Variants in PTPRN2 observed in about 807,000 individuals in gnomAD.
The protein encoded by PTPRN2 is protein tyrosine phosphatase receptor type N2.
In PTPRN2, 74 loss-of-function variants were observed where a neutral mutation model predicts 118.8. The observed-to-expected ratio is 0.62, with a 90% CI of 0.52 to 0.76. The LOEUF (loss-of-function observed/expected upper bound fraction) is 0.76. Ranked by LOEUF, PTPRN2 falls within the 30% of genes least tolerant of loss-of-function variation. The pLI, the probability that PTPRN2 is intolerant of heterozygous loss-of-function variation, is 0.00. For synonymous variants in PTPRN2, 641 were observed against 608.0 expected (o/e 1.05, Z -0.80); for missense variants, 1,481 against 1,394.4 (o/e 1.06, Z -0.99).
At chr7:157,872,522 C>T (rs1445672760) in intron 12 of PTPRN2, among the ~76,000 whole-genome samples, 2 of 152,190 alleles carry the variant, frequency 1.3e-5, no homozygotes, top group African/African-American at 4.8e-5. Flanking sequence ...TATCCAGTGC[C>T]TCCGCACACA....
At chr7:157,924,253 C>T (rs1798845885) in intron 11 of PTPRN2, among the ~76,000 whole-genome samples, 1 of 152,218 alleles carries the variant, frequency 6.6e-6, no homozygotes, top group Non-Finnish European at 1.5e-5. Context: ...ATTGAAGCCA[C>T]ACTCGTTCTC....
chr7:157,636,182 A>G (rs934208030), intron 14 of PTPRN2, among the ~76,000 whole-genome samples: 6 of 152,226 alleles, frequency 3.9e-5, no homozygotes, highest in African/African-American at 1.4e-4. Context: ...TGAGGCTTCC[A>G]TCTCTGGCTT....
chr7:157,917,733 T>G (rs1453805322), intron 11 of PTPRN2, among the ~76,000 whole-genome samples: 1 of 152,170 alleles, frequency 6.6e-6, no homozygotes, highest in African/African-American at 2.4e-5. Context: ...TTTCAACGCG[T>G]GGTCCTGGAC....
intron 14 of PTPRN2, among the ~76,000 whole-genome samples, chr7:157,636,556 C>A (rs1804332398): frequency 6.6e-6 from 1 of 152,128 alleles, no homozygotes; most frequent in African/African-American, 2.4e-5. Context: ...AAATGTCTAC[C>A]CATATATTTC....
chr7:158,372,781 A>G (rs1246998749), intron 2 of PTPRN2, among the ~76,000 whole-genome samples: 1 of 152,218 alleles, frequency 6.6e-6, no homozygotes, highest in Non-Finnish European at 1.5e-5. Flanking sequence ...TACAGCTTGC[A>G]TTATCTTTAA....
chr7:157,666,497 G>GTGTT (rs1471091937), intron 13 of PTPRN2, among the ~76,000 whole-genome samples: 1 of 125,498 alleles, frequency 8.0e-6, no homozygotes, highest in Non-Finnish European at 1.8e-5. Flanking sequence ...AGCCATTAGT[G>GTGTT]TGTTAGAAAA....
chr7:158,566,151 A>G (rs1827653817), intron 1 of PTPRN2, among the ~76,000 whole-genome samples: 1 of 152,110 alleles, frequency 6.6e-6, no homozygotes, highest in Non-Finnish European at 1.5e-5. Flanking sequence ...TTAGGAGTTC[A>G]AGACCAGCCT....
At chr7:157,736,839 A>G (rs1800326807) in intron 12 of PTPRN2, among the ~76,000 whole-genome samples, 1 of 152,302 alleles carries the variant, frequency 6.6e-6, no homozygotes, top group African/African-American at 2.4e-5. Context: ...GAGGAGGTAC[A>G]ATCCCACCAG....
intron 21 of PTPRN2, among the ~76,000 whole-genome samples, chr7:157,555,990 C>A (rs186388064): frequency 6.6e-6 from 1 of 152,302 alleles, no homozygotes; most frequent in Non-Finnish European, 1.5e-5. Context: ...GGCACAGACA[C>A]CCCATCTTTC....
rs1263112862 is a variant in PTPRN2, at chr7:157,603,784, G to A, written c.2418+218C>T. On this transcript the variant is annotated intron_variant, in intron 16 of 22. Coordinates refer to ENST00000389418, the MANE Select transcript of PTPRN2 (RefSeq NM_002847.5). The surrounding 1 kb of genome is among the most constrained non-coding windows in gnomAD (Gnocchi z 5.4). ...TGTTCTACAAGTCACGGAACCCACC[G>A]CCCAGCGTGAGCCGGGACCCACACG... 6.6e-6 allele frequency among the ~76,000 whole-genome samples: 1 copy of A among 152,096 alleles called. No individual in the cohort carries two copies. The highest frequency in any genetic ancestry group is 1.5e-5 in the Non-Finnish European group (1 of 68,002).
At chr7:158,155,673 CCAT>C (rs1369355932) in intron 6 of PTPRN2, among the ~76,000 whole-genome samples, 9 of 126,824 alleles carry the variant, frequency 7.1e-5, no homozygotes, top group South Asian at 2.8e-4. Context: ...ATCACCAGTG[CCAT>C]CATCACCATC....
chr7:158,387,738 T>C lies in PTPRN2; in HGVS notation c.164-70806A>G, dbSNP rs527269321. 1.7e-3 allele frequency among the ~76,000 whole-genome samples: 254 copies of C among 152,268 alleles called. 3 individuals are homozygous for C. The highest frequency in any genetic ancestry group is 5.7e-3 in the African/African-American group (237 of 41,546). ...GGAGGCTGCAGAGCCAGGGCGAAGT[T>C]TCCTGAAGGAGATGGAATCCTGCTG... is the stretch of plus-strand genomic sequence containing the variant. On this transcript the variant is annotated intron_variant, in intron 2 of 22. Transcript: ENST00000389418.
chr7:158,397,068 A>C (rs1812571865), intron 2 of PTPRN2, among the ~76,000 whole-genome samples: 1 of 152,200 alleles, frequency 6.6e-6, no homozygotes, highest in Non-Finnish European at 1.5e-5. Flanking sequence ...TGCTCTTTTA[A>C]TTTGCTCTTT....
In PTPRN2 at chr7:157,622,275, G is replaced by A. The variant is rs1248056130; in HGVS notation, c.2197-766C>T. On this transcript the variant is annotated intron_variant, in intron 14 of 22. Transcript: ENST00000389418. This position sits in a 1 kb window ranked among gnomAD's most constrained non-coding sequence, Gnocchi z 5.3. ...CTGCTGTCACTCTGCTTGTGGATTT[G>A]CAAGGTACTGTGTGTCATGTGTAGA... 2.0e-5 allele frequency among the ~76,000 whole-genome samples: 3 copies of A among 152,044 alleles called. No individual in the cohort carries two copies. Among genetic ancestry groups the A allele is most frequent in the Non-Finnish European group, 4.4e-5 (3 of 68,034 alleles).
chr7:158,128,197 G>A lies in PTPRN2; in HGVS notation c.1556+5480C>T, dbSNP rs545180172. 9.2e-5 allele frequency among the ~76,000 whole-genome samples: 14 copies of A among 152,308 alleles called. No homozygotes were observed. In the South Asian group the frequency reaches 2.9e-3, roughly 32 times the overall value. The stretch of plus-strand genomic sequence containing the variant: ...GTTAAGGTTTAAGCTGAAATCTGGT[G>A]AAAACTTGCCCAAGAGAATCACAAA... On this transcript the variant is annotated intron_variant, in intron 9 of 22. Transcript: ENST00000389418.
intron 6 of PTPRN2, among the ~76,000 whole-genome samples, chr7:158,146,282 T>A (rs141460968): frequency 3.4e-4 from 52 of 152,228 alleles, no homozygotes; most frequent in African/African-American, 1.2e-3. Context: ...AACCAAAATG[T>A]TAACCTATAT....
intron 1 of PTPRN2, among the ~76,000 whole-genome samples, chr7:158,557,084 C>T (rs1462789520): frequency 7.3e-6 from 1 of 136,428 alleles, no homozygotes; most frequent in African/African-American, 2.8e-5. Flanking sequence ...GCAGGTCAGG[C>T]GGCTCCTGTG....
chr7:158,445,532 G>C (rs1344353626), intron 2 of PTPRN2, among the ~76,000 whole-genome samples: 3 of 152,230 alleles, frequency 2.0e-5, no homozygotes, highest in Non-Finnish European at 4.4e-5. Context: ...CAGGTCAGAG[G>C]CTCTGGAGGG....
At chr7:158,221,549 C>T (rs1400106304) in intron 3 of PTPRN2, among the ~76,000 whole-genome samples, 1 of 152,184 alleles carries the variant, frequency 6.6e-6, no homozygotes, top group African/African-American at 2.4e-5. Context: ...AATGGACCCA[C>T]AGTTCCATGT....
Sources: allele counts gnomAD v4.1 joint callset (sites outside exome capture counted in the v4.1 genomes callset), GRCh38; gene constraint gnomAD v4.1.1; non-coding constraint Gnocchi (gnomAD v3.1); transcripts MANE v1.5; gene names NCBI Gene and HGNC (gene_info 2026-07-23, HGNC 2026-07-21).